Variants in KREMEN1 observed in about 807,000 individuals in gnomAD.
KREMEN1 encodes the protein kringle containing transmembrane protein 1, also known as kremen protein 1.
KREMEN1 carries 30 observed loss-of-function variants against 46.5 expected under a neutral mutation model. That is an observed-to-expected ratio of 0.65 (90% CI 0.48 to 0.88). The LOEUF is 0.88. Ranked by LOEUF, KREMEN1 falls within the 40% of genes least tolerant of loss-of-function variation. KREMEN1 has a pLI of 0.00. For missense variants in KREMEN1, 533 were observed against 596.9 expected (o/e 0.89, Z 1.11); for synonymous variants, 214 against 230.6 (o/e 0.93, Z 0.65).
Position 29,146,231 on chromosome 22 carries a change from G to A in KREMEN1, c.*4119G>A, listed in dbSNP as rs754530758. The stretch of plus-strand genomic sequence containing the variant: ...GGTGTCTTTGTTTACCTTCCTCACT[G>A]TTCTACCTCCTGGCCAGGTCTCAGC... On this transcript the variant is annotated 3_prime_UTR_variant, in exon 9 of 9. Coordinates refer to ENST00000400335, the MANE Select transcript of KREMEN1 (RefSeq NM_001039570.3). 4.1e-4 allele frequency: 405 copies of A among 985,814 alleles called. 1 individual carries two copies. The highest frequency in any genetic ancestry group is 2.6e-3 in the Middle Eastern group (5 of 1,938). 61.1% of individuals were successfully genotyped at this position (985,814 alleles called of 1,614,324 possible). A position where few individuals can be genotyped will look rare whatever the true frequency, so the allele number is the denominator to read the frequency against.
At chr22:29,077,495 A>G (rs947742938) in intron 1 of KREMEN1, among the ~76,000 whole-genome samples, 1 of 152,200 alleles carries the variant, frequency 6.6e-6, no homozygotes, top group Non-Finnish European at 1.5e-5. Flanking sequence ...GATAACAGGC[A>G]TGCATCACCA....
intron 1 of KREMEN1, among the ~76,000 whole-genome samples, chr22:29,076,259 C>T (rs1050598883): frequency 5.3e-5 from 8 of 152,178 alleles, no homozygotes; most frequent in African/African-American, 1.9e-4. Context: ...TGCTCATTCT[C>T]CTCTACCTCC....
intron 7 of KREMEN1, among the ~76,000 whole-genome samples, chr22:29,139,435 C>T (rs2038724307): frequency 1.3e-5 from 2 of 151,652 alleles, no homozygotes; most frequent in Admixed American, 1.3e-4. Context: ...GACCCTTTCT[C>T]TACAAAAAAT....
downstream of KREMEN1, among the ~76,000 whole-genome samples, chr22:29,148,698 G>A (rs1006737329): frequency 2.0e-5 from 3 of 151,916 alleles, no homozygotes; most frequent in South Asian, 2.1e-4. Flanking sequence ...CAGGTGATCC[G>A]CCCGCCTCGG....
At chr22:29,116,727 A>G (rs1375670262) in intron 3 of KREMEN1, among the ~76,000 whole-genome samples, 6 of 152,236 alleles carry the variant, frequency 3.9e-5, no homozygotes, top group Non-Finnish European at 1.5e-5. Context: ...ATCATCATCA[A>G]GTAGCTCTTA....
chr22:29,081,067 C>T lies in KREMEN1; in HGVS notation c.97+7840C>T, dbSNP rs5762978. ...GGTTAGTTACATATGTATACATGTG[C>T]CATGTTGGTGTGCTGCACCCATTAA... On this transcript the variant is annotated intron_variant, in intron 1 of 8. Transcript: ENST00000400335. Among the ~76,000 whole-genome samples, 144 of 150,220 alleles carry T rather than the reference C, an allele frequency of 9.6e-4. 4 individuals are homozygous for T. The East Asian group carries it at 0.025, about 26-fold the overall frequency.
intron 3 of KREMEN1, among the ~76,000 whole-genome samples, chr22:29,120,547 G>A (rs964198041): frequency 4.3e-5 from 5 of 115,214 alleles, no homozygotes; most frequent in Non-Finnish European, 9.8e-5. Flanking sequence ...AGGAGGGAGA[G>A]GTGACGATGG....
chr22:29,075,812 GA>G (rs1401122826), intron 1 of KREMEN1, among the ~76,000 whole-genome samples: 1 of 151,978 alleles, frequency 6.6e-6, no homozygotes, highest in Non-Finnish European at 1.5e-5. Flanking sequence ...TTTGTGGATG[GA>G]AAAAATTATT....
At chr22:29,122,438 C>A (rs142316028) in intron 4 of KREMEN1, among the ~76,000 whole-genome samples, 1 of 152,302 alleles carries the variant, frequency 6.6e-6, no homozygotes, top group African/African-American at 2.4e-5. Context: ...TACCTTAAAA[C>A]TCAGCAATAT....
intron 9 of KREMEN1, chr22:29,154,553 C>G (rs2038944761): frequency 6.6e-6 from 1 of 152,394 alleles, no homozygotes; most frequent in Non-Finnish European, 1.5e-5. Context: ...GGCAGAGCCC[C>G]CAGCCGCCGC....
Position 29,143,807 on chromosome 22 carries a change from G to T in KREMEN1, c.*1695G>T. The T allele has an allele frequency of 1.0e-6, 1 of 985,482 alleles. No individual in the cohort carries two copies. Among genetic ancestry groups the T allele is most frequent in the Non-Finnish European group, 1.2e-6 (1 of 830,064 alleles). The allele number at this position is 985,482 out of a possible 1,614,324, so 61.0% of individuals were successfully genotyped here. ...GCCCCTCCTGTGGGGACCAAGTGGG[G>T]TTAGGAATGGCTCAGTGGGGAAGGA... On this transcript the variant is annotated 3_prime_UTR_variant, in exon 9 of 9. Coordinates refer to ENST00000400335, the MANE Select transcript of KREMEN1 (RefSeq NM_001039570.3).
downstream of KREMEN1, chr22:29,146,875 A>AG: frequency 1.2e-6 from 1 of 818,768 alleles, no homozygotes; most frequent in Non-Finnish European, 1.5e-6. Context: ...GCGTGGGACA[A>AG]GCGGAGGGTG....
chr22:29,156,317 A>G (rs2038960996), intron 9 of KREMEN1, among the ~76,000 whole-genome samples: 1 of 152,236 alleles, frequency 6.6e-6, no homozygotes, highest in South Asian at 2.1e-4. Context: ...CAAAATAAAC[A>G]TCTCCAGGCC....
chr22:29,161,995 A>G (rs1488708458), intron 9 of KREMEN1, among the ~76,000 whole-genome samples: 1 of 151,840 alleles, frequency 6.6e-6, no homozygotes, highest in Non-Finnish European at 1.5e-5. Context: ...GTGCATGTCT[A>G]TAATCCCAGC....
In KREMEN1 at chr22:29,073,159, T is replaced by G; in HGVS notation, c.29T>G (p.Leu10Arg). 8.7e-7 allele frequency: 1 copy of G among 1,145,870 alleles called. No homozygotes were observed. 71.0% of individuals were successfully genotyped at this position (1,145,870 alleles called of 1,614,324 possible). The stretch of plus-strand genomic sequence containing the variant: ...GCGCCGCCAGCCGCCCGCCTCGCCC[T>G]GCTCTCCGCCGCGGCGCTCACGCTG... MAPPAARLA[L>R]LSAAALTLAA... The change falls in exon 1 of 9, where the codon CTG becomes CGG. Residue 10 changes from leucine to arginine, a missense_variant. By Grantham distance (102) the Leu-to-Arg change is moderately radical. Transcript: ENST00000400335. The surrounding 1 kb of genome is among the most constrained non-coding windows in gnomAD (Gnocchi z 4.4).
At chr22:29,127,202 C>T (rs2038458224) in intron 5 of KREMEN1, among the ~76,000 whole-genome samples, 1 of 152,146 alleles carries the variant, frequency 6.6e-6, no homozygotes, top group Non-Finnish European at 1.5e-5. Context: ...TGATTACTCT[C>T]ATTTCACAGA....
At chr22:29,159,277 G>GT (rs1191232469) in intron 9 of KREMEN1, among the ~76,000 whole-genome samples, 1 of 152,024 alleles carries the variant, frequency 6.6e-6, no homozygotes, top group African/African-American at 2.4e-5. Flanking sequence ...GCCCAGGAGT[G>GT]TTTTGCTCCT....
chr22:29,166,866 G>A (rs1303427764), intron 9 of KREMEN1, among the ~76,000 whole-genome samples: 5 of 152,146 alleles, frequency 3.3e-5, no homozygotes, highest in Non-Finnish European at 4.4e-5. Flanking sequence ...CCAAGAGTTT[G>A]AGGCTGCAGT....
chr22:29,163,448 G>C (rs377481296), intron 9 of KREMEN1, among the ~76,000 whole-genome samples: 2 of 151,568 alleles, frequency 1.3e-5, no homozygotes, highest in East Asian at 2.0e-4. Flanking sequence ...CGCGAACTCG[G>C]CTCACTGCAA....
Sources: allele counts gnomAD v4.1 joint callset (sites outside exome capture counted in the v4.1 genomes callset), GRCh38; gene constraint gnomAD v4.1.1; non-coding constraint Gnocchi (gnomAD v3.1); transcripts MANE v1.5; gene names NCBI Gene and HGNC (gene_info 2026-07-23, HGNC 2026-07-21).